THSD4: variants seen among roughly 807,000 people sequenced by gnomAD.
The protein encoded by THSD4 is thrombospondin type-1 domain-containing protein 4.
THSD4 carries 69 observed loss-of-function variants against 119.0 expected under a neutral mutation model. The ratio of observed to expected loss-of-function variants is 0.58; its 90% CI spans 0.48 to 0.71. The LOEUF (loss-of-function observed/expected upper bound fraction) is 0.71, where lower values mean the gene tolerates loss of function less well. Among genes scored for constraint, THSD4 ranks in the 30% least tolerant of loss-of-function variants. THSD4 has a pLI of 0.00. For missense variants in THSD4, 1,393 were observed against 1,391.1 expected, an observed-to-expected ratio of 1.00 and a Z score of -0.02; for synonymous variants, 524 against 540.4, an observed-to-expected ratio of 0.97 and a Z score of 0.42.
chr15:71,738,086 C>G, intron 11 of THSD4, 79 bp downstream of exon 11: 1 of 1,548,358 alleles, frequency 6.5e-7, no homozygotes, highest in Non-Finnish European at 8.7e-7. Context: ...GCAGCGGTCC[C>G]CGGCTTTTTT....
intron 6 of THSD4, among the ~76,000 whole-genome samples, chr15:71,306,956 A>G (rs2045038660): frequency 6.6e-6 from 1 of 152,216 alleles, no homozygotes; most frequent in Non-Finnish European, 1.5e-5. Context: ...CTCATGTCCC[A>G]GTCTAGGAGA....
chr15:71,663,514 T>C (rs554547626), intron 8 of THSD4, among the ~76,000 whole-genome samples: 2 of 152,324 alleles, frequency 1.3e-5, no homozygotes, highest in South Asian at 4.1e-4. Context: ...TTTTAAAAAA[T>C]TGATCTATAA....
At chr15:71,479,855 T>C (rs1345487447) in intron 7 of THSD4, among the ~76,000 whole-genome samples, 1 of 152,188 alleles carries the variant, frequency 6.6e-6, no homozygotes, top group East Asian at 1.9e-4. Flanking sequence ...CAAAAAATAG[T>C]GATTGAGAAA....
At chr15:71,328,971 A>G (rs773393439) in intron 6 of THSD4, among the ~76,000 whole-genome samples, 1 of 152,170 alleles carries the variant, frequency 6.6e-6, no homozygotes, top group Admixed American at 6.5e-5. Flanking sequence ...CCAACTCTAC[A>G]GTCTGATGGT....
At chr15:71,531,069 A>T (rs1033142778) in intron 7 of THSD4, among the ~76,000 whole-genome samples, 2 of 152,060 alleles carry the variant, frequency 1.3e-5, no homozygotes, top group Non-Finnish European at 2.9e-5. Context: ...AAAAGAAGGG[A>T]TGAGTTTAGA....
rs544218012 is a variant in THSD4 at position 71,337,829 on chromosome 15, A to G, written c.1016-73858A>G. ...GTTAGGAAAGTGATTTCTGCATGCA[A>G]TGTGATGTAGGCAGAAATGGGCAAT... On this transcript the variant is annotated intron_variant, in intron 6 of 17. Coordinates refer to ENST00000261862, the MANE Select transcript of THSD4 (RefSeq NM_024817.3). Among the ~76,000 whole-genome samples the G allele has an allele frequency of 2.6e-5, 4 of 152,180 alleles. No individual in the cohort carries two copies. In the East Asian group the frequency reaches 5.8e-4, roughly 22 times the overall value.
intron 7 of THSD4, among the ~76,000 whole-genome samples, chr15:71,439,840 A>G (rs1160499670): frequency 2.0e-5 from 3 of 152,164 alleles, no homozygotes; most frequent in African/African-American, 7.2e-5. Flanking sequence ...AGGAAGGGGA[A>G]CATCACATAC....
chr15:71,562,947 C>A (rs2049153666), intron 7 of THSD4, among the ~76,000 whole-genome samples: 1 of 152,104 alleles, frequency 6.6e-6, no homozygotes, highest in African/African-American at 2.4e-5. Flanking sequence ...AGGTGATCCA[C>A]CCGCCTCGGC....
intron 7 of THSD4, among the ~76,000 whole-genome samples, chr15:71,436,396 C>A (rs954402575): frequency 6.6e-6 from 1 of 152,176 alleles, no homozygotes; most frequent in Non-Finnish European, 1.5e-5. Context: ...GCTAGTCAAA[C>A]AAGTGCTTTT....
intron 6 of THSD4, among the ~76,000 whole-genome samples, chr15:71,263,330 G>GGT: frequency 2.7e-4 from 2 of 7,282 alleles, no homozygotes; most frequent in African/African-American, 3.6e-4. Flanking sequence ...AGTATTCCAT[G>GGT]GTATATATAT....
At chr15:71,601,289 G>A (rs997332905) in intron 7 of THSD4, among the ~76,000 whole-genome samples, 1 of 152,142 alleles carries the variant, frequency 6.6e-6, no homozygotes, top group Admixed American at 6.5e-5. Flanking sequence ...GATTGGCTGG[G>A]GGTAGTGGGG....
intron 7 of THSD4, among the ~76,000 whole-genome samples, chr15:71,580,176 G>A (rs888281692): frequency 4.6e-5 from 7 of 152,136 alleles, no homozygotes; most frequent in African/African-American, 1.2e-4. Flanking sequence ...TCAGGGAAAT[G>A]GGCATGGTGA....
intron 1 of THSD4, among the ~76,000 whole-genome samples, chr15:71,129,688 T>C (rs1366684086): frequency 2.6e-5 from 4 of 152,192 alleles, no homozygotes; most frequent in African/African-American, 7.2e-5. Flanking sequence ...CATCACAGAA[T>C]TGTGTCAAGG....
chr15:71,206,097 C>CA (rs2140242661), intron 3 of THSD4, among the ~76,000 whole-genome samples: 1 of 152,242 alleles, frequency 6.6e-6, no homozygotes, highest in Admixed American at 6.5e-5. Context: ...TCGAAAGTCT[C>CA]CTTCTTCAGG....
chr15:71,445,116 T>A (rs186438100), intron 7 of THSD4, among the ~76,000 whole-genome samples: 39 of 152,236 alleles, frequency 2.6e-4, no homozygotes, highest in Non-Finnish European at 2.9e-5. Flanking sequence ...TTCCTATCTG[T>A]ACACATGGCA....
At chr15:71,226,816 C>T (rs117464401) in intron 4 of THSD4, among the ~76,000 whole-genome samples, 1 of 152,302 alleles carries the variant, frequency 6.6e-6, no homozygotes, top group East Asian at 1.9e-4. Flanking sequence ...CCTTGGAAAG[C>T]CTCCCTGGCC....
chr15:71,130,870 G>C (rs868428686), intron 1 of THSD4, among the ~76,000 whole-genome samples: 1 of 151,998 alleles, frequency 6.6e-6, no homozygotes, highest in Non-Finnish European at 1.5e-5. Flanking sequence ...TCAGTCTCCC[G>C]AGTAGCTGGG....
At chr15:71,641,895 C>T (rs1259458898) in intron 7 of THSD4, among the ~76,000 whole-genome samples, 1 of 151,990 alleles carries the variant, frequency 6.6e-6, no homozygotes, top group East Asian at 1.9e-4. Flanking sequence ...AGCTAGAAAC[C>T]GAGGGTTCTC....
At chr15:71,757,858 C>G in intron 14 of THSD4, 44 bp from the exon 15 acceptor site, 1 of 1,605,406 alleles carries the variant, frequency 6.2e-7, no homozygotes, top group Non-Finnish European at 8.5e-7. Context: ...GCTTCAGCAG[C>G]TGCCAGGGCC....
Sources: allele counts gnomAD v4.1 joint callset (sites outside exome capture counted in the v4.1 genomes callset), GRCh38; gene constraint gnomAD v4.1.1; transcripts MANE v1.5; gene names NCBI Gene and HGNC (gene_info 2026-07-23, HGNC 2026-07-21).